Variants in DCT observed in about 807,000 individuals in gnomAD.
DCT encodes the protein L-dopachrome tautomerase.
DCT carries 47 observed loss-of-function variants against 53.0 expected under a neutral mutation model. The observed-to-expected ratio is 0.89, with a 90% confidence interval of 0.70 to 1.13. The LOEUF (loss-of-function observed/expected upper bound fraction) is 1.13, where lower values mean the gene tolerates loss of function less well. DCT is among the 50% of genes most tolerant of loss of function. DCT has a pLI of 0.00. For synonymous variants in DCT, 244 were observed against 237.0 expected (o/e 1.03, Z -0.27); for missense variants, 669 against 637.4 (o/e 1.05, Z -0.53).
At chr13:94,546,433 A>G in the DCT span, among the ~76,000 whole-genome samples, 1 of 152,024 alleles carries the variant, frequency 6.6e-6, no homozygotes, top group Non-Finnish European at 1.5e-5. This position sits in a 1 kb window ranked among gnomAD's most constrained non-coding sequence, Gnocchi z 4.2. Flanking sequence ...CCTCTTCCCT[A>G]TTGCAATAGT....
In DCT at chr13:94,439,722, A is replaced by G. The variant is rs1278612888; in HGVS notation, c.*176T>C. The G allele has an allele frequency of 1.3e-5, 6 of 471,372 alleles. No individual in the cohort carries two copies. Among genetic ancestry groups the G allele is most frequent in the Non-Finnish European group, 2.2e-5 (6 of 273,592 alleles). 29.2% of individuals were successfully genotyped at this position (471,372 alleles called of 1,614,324 possible). On this transcript the variant is annotated 3_prime_UTR_variant, in exon 8 of 8. Transcript: ENST00000377028. ...GCACTTTAGTTGGGTTTGTTAAACAAGCAAGCAAAGCGGAAACTACAGCTA... is the reference window on the plus strand; with the variant it reads ...GCACTTTAGTTGGGTTTGTTAAACAGGCAAGCAAAGCGGAAACTACAGCTA...
At chr13:94,510,588 T>C in the DCT span, among the ~76,000 whole-genome samples, 2 of 152,250 alleles carry the variant, frequency 1.3e-5, no homozygotes, top group Non-Finnish European at 2.9e-5. Flanking sequence ...TAATTTTACC[T>C]GTTTCTTTTT....
the DCT span, among the ~76,000 whole-genome samples, chr13:94,533,573 T>A: frequency 1.3e-5 from 2 of 152,220 alleles, no homozygotes; most frequent in East Asian, 3.9e-4. Flanking sequence ...TCACTTGAGG[T>A]CAGGAGTTCG....
At chr13:94,515,734 G>A in the DCT span, among the ~76,000 whole-genome samples, 6 of 152,108 alleles carry the variant, frequency 3.9e-5, no homozygotes, top group Admixed American at 6.5e-5. Context: ...AGCAATGCAG[G>A]TCATCTCCAA....
rs1881943346 is a variant in DCT, at chr13:94,436,887, A to G, written c.*3011T>C. 1 of 152,330 alleles carries G rather than the reference A, an allele frequency of 6.6e-6. No homozygotes were observed. Among genetic ancestry groups the G allele is most frequent in the Non-Finnish European group, 1.5e-5 (1 of 68,026 alleles). The allele number at this position is 152,330 out of a possible 1,614,324, so 9.4% of individuals were successfully genotyped here. On this transcript the variant is annotated 3_prime_UTR_variant, in exon 8 of 8. Transcript: ENST00000377028. ...AAATACTCAGGATAAGTAAGGCACT[A>G]TAGAAATAGGAAGAGCTTCAACCTT...
At chr13:94,445,599 G>T in intron 6 of DCT, 1 of 691,274 alleles carries the variant, frequency 1.4e-6, no homozygotes, top group Non-Finnish European at 2.5e-6. Context: ...GAAATGGTAA[G>T]AAATGAAATG....
At chr13:94,460,497 C>A (rs984458860) in intron 5 of DCT, among the ~76,000 whole-genome samples, 3 of 152,212 alleles carry the variant, frequency 2.0e-5, no homozygotes, top group Admixed American at 1.3e-4. Context: ...CCTTGGAGAG[C>A]AGGCTCTATG....
At chr13:94,518,083 A>G in the DCT span, among the ~76,000 whole-genome samples, 1 of 149,578 alleles carries the variant, frequency 6.7e-6, no homozygotes, top group Non-Finnish European at 1.5e-5. Flanking sequence ...AAAAGAAGGA[A>G]GGAAGGAAGG....
the DCT span, among the ~76,000 whole-genome samples, chr13:94,522,713 T>C: frequency 6.6e-6 from 1 of 152,228 alleles, no homozygotes; most frequent in Non-Finnish European, 1.5e-5. Context: ...CATTTGAACA[T>C]GAGCAATTTC....
the DCT span, among the ~76,000 whole-genome samples, chr13:94,546,032 T>C: frequency 6.6e-6 from 1 of 152,126 alleles, no homozygotes; most frequent in Non-Finnish European, 1.5e-5. The surrounding 1 kb of genome is among the most constrained non-coding windows in gnomAD (Gnocchi z 4.2). Flanking sequence ...AAAAGAATTC[T>C]ATGCACCATC....
At chr13:94,547,311 T>C in the DCT span, among the ~76,000 whole-genome samples, 1 of 151,934 alleles carries the variant, frequency 6.6e-6, no homozygotes, top group Non-Finnish European at 1.5e-5. Context: ...GAGATGGGGT[T>C]TCACCATGTT....
the DCT span, among the ~76,000 whole-genome samples, chr13:94,522,766 C>T: frequency 1.3e-5 from 2 of 152,178 alleles, no homozygotes; most frequent in Non-Finnish European, 2.9e-5. Flanking sequence ...TGTCATTTTA[C>T]ACTTTAGAGA....
chr13:94,467,636 G>T (rs1884311773), intron 2 of DCT: 1 of 152,176 alleles, frequency 6.6e-6, no homozygotes, highest in Admixed American at 6.5e-5. Flanking sequence ...ACTGAGAAAA[G>T]CACTGCTGTC....
At chr13:94,522,619 A>AT in the DCT span, among the ~76,000 whole-genome samples, 1 of 152,228 alleles carries the variant, frequency 6.6e-6, no homozygotes, top group Non-Finnish European at 1.5e-5. Context: ...ATGCTAAGTT[A>AT]TAAAAAAAAG....
the DCT span, among the ~76,000 whole-genome samples, chr13:94,539,129 C>G: frequency 6.6e-6 from 1 of 152,190 alleles, no homozygotes; most frequent in Non-Finnish European, 1.5e-5. Flanking sequence ...GAAAATTCTT[C>G]CTGAAATCAA....
At position 94,440,051 on chromosome 13, in the gene DCT, C is replaced by T. The variant is rs764655568; in HGVS notation, c.1407G>A (p.Trp469Ter). 83 of 1,613,724 alleles carry T rather than the reference C, an allele frequency of 5.1e-5. No individual in the cohort carries two copies. The highest frequency in any genetic ancestry group is 6.9e-5 in the Non-Finnish European group (82 of 1,179,890). The change falls in exon 8 of 8, where the codon TGG becomes TGA. Residue 469 changes from tryptophan to a stop codon, truncating the protein, a stop_gained. Coordinates refer to ENST00000377028, the MANE Select transcript of DCT (RefSeq NM_001922.5). LOFTEE classifies it low-confidence loss of function (END_TRUNC). ...LPVSVEETPGWPTTLLVVMGT... is the reference protein window; with the variant it reads ...LPVSVEETPG ...CCATGACTACTAAGAGAGTTGTGGG[C>T]CAACCTGGAGTTTCTTCAACTGAAA...
chr13:94,479,321 T>G lies in DCT; in HGVS notation c.-66A>C. 7.7e-7 allele frequency: 1 copy of G among 1,306,242 alleles called. No homozygotes were observed. The highest frequency in any genetic ancestry group is 1.0e-6 in the Non-Finnish European group (1 of 960,146). The allele number at this position is 1,306,242 out of a possible 1,614,324, so 80.9% of individuals were successfully genotyped here. A position where few individuals can be genotyped will look rare whatever the true frequency, so the allele number is the denominator to read the frequency against. ...CTTGTCTCTGTCGTACTTTTCTCCT[T>G]ATCTTCTACTCTTTCAGTCTTTTCT... is the stretch of plus-strand genomic sequence containing the variant. On this transcript the variant is annotated 5_prime_UTR_variant, in exon 1 of 8. Coordinates refer to ENST00000377028, the MANE Select transcript of DCT (RefSeq NM_001922.5).
the DCT span, among the ~76,000 whole-genome samples, chr13:94,491,410 C>G: frequency 1.3e-5 from 2 of 152,100 alleles, no homozygotes; most frequent in African/African-American, 4.8e-5. Context: ...AGATTAGGGG[C>G]CCATCCTACT....
the DCT span, among the ~76,000 whole-genome samples, chr13:94,500,989 T>C: frequency 6.6e-6 from 1 of 152,192 alleles, no homozygotes; most frequent in South Asian, 2.1e-4. Flanking sequence ...TCTAAATAAT[T>C]GTTCTTTTAT....
Sources: gnomAD v4.1 joint callset for allele counts (sites outside exome capture counted in the v4.1 genomes callset) on GRCh38, gnomAD v4.1.1 for gene constraint, Gnocchi (gnomAD v3.1) non-coding constraint, MANE v1.5 for transcripts, NCBI Gene and HGNC (gene_info 2026-07-23, HGNC 2026-07-21) for gene names.